The following SMARCC1 variants were observed in gnomAD, a reference collection of about 807,000 sequenced individuals.
SMARCC1 encodes the protein SWI/SNF related BAF chromatin remodeling complex subunit C1.
In SMARCC1, 43 loss-of-function variants were observed where a neutral mutation model predicts 147.4. That is an observed-to-expected ratio of 0.29 (90% CI 0.23 to 0.38). The LOEUF (loss-of-function observed/expected upper bound fraction) is 0.38. Among genes scored for constraint, SMARCC1 ranks in the 10% least tolerant of loss-of-function variants. The pLI is 1.00. For missense variants in SMARCC1, 1,119 were observed against 1,381.1 expected (o/e 0.81, Z 3.01); for synonymous variants, 495 against 484.4 (o/e 1.02, Z -0.29).
At chr3:47,672,077 A>C (rs2033508904) in intron 18 of SMARCC1, among the ~76,000 whole-genome samples, 1 of 152,280 alleles carries the variant, frequency 6.6e-6, no homozygotes, top group Non-Finnish European at 1.5e-5. Context: ...AAAAATAAGT[A>C]GTCTTTGAAC....
At chr3:47,658,947 A>G (rs2033299689) in intron 21 of SMARCC1, among the ~76,000 whole-genome samples, 1 of 152,042 alleles carries the variant, frequency 6.6e-6, no homozygotes, top group East Asian at 1.9e-4. Context: ...GTGAAACCCC[A>G]TCTCTACTAA....
At chr3:47,657,013 C>G (rs1159464604) in intron 21 of SMARCC1, among the ~76,000 whole-genome samples, 1 of 152,026 alleles carries the variant, frequency 6.6e-6, no homozygotes, top group Non-Finnish European at 1.5e-5. Context: ...AGACACAAAA[C>G]GTTATATAAG....
chr3:47,721,760 C>T (rs763563150), intron 6 of SMARCC1, among the ~76,000 whole-genome samples: 17 of 152,010 alleles, frequency 1.1e-4, no homozygotes, highest in Non-Finnish European at 2.4e-4. Context: ...CCTGTAATCC[C>T]AGCACTTTTG....
chr3:47,610,525 C>T, intron 25 of SMARCC1, 198 bp from the exon 26 acceptor site: 3 of 617,900 alleles, frequency 4.9e-6, no homozygotes, highest in Non-Finnish European at 8.5e-6. Flanking sequence ...CATCTGTTAC[C>T]ATGGTCAAAG....
Position 47,688,221 on chromosome 3 carries a change from T to C in SMARCC1, c.1263+1166A>G, listed in dbSNP as rs1001262181. On this transcript the variant is annotated intron_variant, in intron 13 of 27. Transcript: ENST00000254480. ...GTTGTGGTGAGCCTAGATCATGCCA[T>C]TGCACTCCAGCCTGGGCAACAAGAG... Among the ~76,000 whole-genome samples the C allele has an allele frequency of 2.0e-5, 3 of 151,756 alleles. No individual in the cohort carries two copies. The South Asian group carries it at 6.3e-4, about 32-fold the overall frequency.
chr3:47,676,131 T>C (rs913382514), intron 17 of SMARCC1, among the ~76,000 whole-genome samples: 2 of 152,142 alleles, frequency 1.3e-5, no homozygotes, highest in Non-Finnish European at 1.5e-5. Context: ...TATTTCACAA[T>C]GGGACAAAAT....
At chr3:47,643,514 T>C (rs1359817687) in intron 21 of SMARCC1, among the ~76,000 whole-genome samples, 1 of 150,340 alleles carries the variant, frequency 6.7e-6, no homozygotes. Context: ...AAACATAATA[T>C]GGAGTGAACA....
chr3:47,660,465 A>AG (rs1396270965), intron 21 of SMARCC1, among the ~76,000 whole-genome samples: 34 of 151,270 alleles, frequency 2.2e-4, no homozygotes, highest in Non-Finnish European at 4.1e-4. Context: ...AAAAAAAAAA[A>AG]AAAAGTGGAA....
chr3:47,685,556 T>TAA (rs34711590), intron 14 of SMARCC1, among the ~76,000 whole-genome samples: 19 of 139,412 alleles, frequency 1.4e-4, no homozygotes, highest in African/African-American at 3.7e-4. Context: ...TGTTTTTCTT[T>TAA]AAAAAAAAAA....
chr3:47,724,329 C>T (rs2034272763), intron 6 of SMARCC1, among the ~76,000 whole-genome samples: 1 of 152,130 alleles, frequency 6.6e-6, no homozygotes, highest in South Asian at 2.1e-4. Context: ...CATGCTATGA[C>T]ATGAATGAAC....
chr3:47,780,832 A>G (rs2035038098), intron 1 of SMARCC1, among the ~76,000 whole-genome samples: 2 of 151,262 alleles, frequency 1.3e-5, no homozygotes, highest in Non-Finnish European at 2.9e-5. Context: ...GGAAGTTGGA[A>G]AAAAAAAAAA....
chr3:47,696,169 G>C (rs1385647059), intron 11 of SMARCC1, among the ~76,000 whole-genome samples: 1 of 151,116 alleles, frequency 6.6e-6, no homozygotes, highest in Admixed American at 6.6e-5. Flanking sequence ...TCAGAAGTTC[G>C]GGACCAGCCT....
chr3:47,658,929 C>G (rs1303697726), intron 21 of SMARCC1, among the ~76,000 whole-genome samples: 4 of 151,974 alleles, frequency 2.6e-5, no homozygotes, highest in Non-Finnish European at 5.9e-5. Context: ...ACCAACCTGG[C>G]CAACACAGTG....
chr3:47,636,311 C>T (rs2032968250), intron 22 of SMARCC1, among the ~76,000 whole-genome samples, 175 bp from the exon 23 acceptor site: 1 of 152,212 alleles, frequency 6.6e-6, no homozygotes, highest in Admixed American at 6.5e-5. Context: ...CCAAGCAATA[C>T]TTTCTACCAC....
intron 6 of SMARCC1, among the ~76,000 whole-genome samples, chr3:47,721,515 T>A (rs2034232545): frequency 6.6e-6 from 1 of 152,146 alleles, no homozygotes; most frequent in South Asian, 2.1e-4. Flanking sequence ...AAGAGAGAAG[T>A]TCTGAAGTAA....
intron 10 of SMARCC1, among the ~76,000 whole-genome samples, chr3:47,705,721 T>C (rs1201289170): frequency 1.3e-5 from 2 of 152,202 alleles, no homozygotes; most frequent in Non-Finnish European, 2.9e-5. Flanking sequence ...TTACAAACCA[T>C]AATTGTCTTG....
chr3:47,726,372 C>A (rs375611194), intron 6 of SMARCC1, among the ~76,000 whole-genome samples: 1 of 151,348 alleles, frequency 6.6e-6, no homozygotes, highest in African/African-American at 2.5e-5. Flanking sequence ...TTTAGCTCTA[C>A]ATGGTGGAAC....
intron 14 of SMARCC1, among the ~76,000 whole-genome samples, chr3:47,681,600 T>C (rs1161040554): frequency 6.6e-6 from 1 of 152,136 alleles, no homozygotes; most frequent in Non-Finnish European, 1.5e-5. Context: ...ATATGCAACA[T>C]GTTAAGTAGT....
chr3:47,680,484 A>G lies in SMARCC1; in HGVS notation c.1410T>C (p.Ala470=). The G allele has an allele frequency of 6.2e-7, 1 of 1,605,802 alleles. No homozygotes were observed. Among genetic ancestry groups the G allele is most frequent in the Middle Eastern group, 1.7e-4 (1 of 6,036 alleles). The change falls in exon 15 of 28, where the codon GCT becomes GCC. Residue 470 remains alanine, a synonymous_variant. Coordinates refer to ENST00000254480, the MANE Select transcript of SMARCC1 (RefSeq NM_003074.4). ...TTTTTCCATTGAAGAACTCAGGAAG[A>G]GCACGCCGTTCAATCACATGAATAC... ...YNCIHVIERR[A]LPEFFNGKNK...
Sources: gnomAD v4.1 joint callset for allele counts (sites outside exome capture counted in the v4.1 genomes callset) on GRCh38, gnomAD v4.1.1 for gene constraint, MANE v1.5 for transcripts, NCBI Gene and HGNC (gene_info 2026-07-23, HGNC 2026-07-21) for gene names.